Variants in RRM2 observed in about 807,000 individuals in gnomAD.
The protein encoded by RRM2 is ribonucleoside-diphosphate reductase subunit M2.
In RRM2, 6 loss-of-function variants were observed where a neutral mutation model predicts 45.9. The ratio of observed to expected loss-of-function variants is 0.13; its 90% confidence interval spans 0.07 to 0.26. The LOEUF is 0.26. Among genes scored for constraint, RRM2 ranks in the 10% least tolerant of loss-of-function variants. The probability of loss-of-function intolerance (pLI) is 1.00; values close to 1 mark genes in which losing one functional copy is unlikely to be tolerated. For synonymous variants in RRM2, 177 were observed against 173.0 expected (o/e 1.02, Z -0.18); for missense variants, 343 against 489.5 (o/e 0.70, Z 2.82).
chr2:10,135,146 C>T (rs900206290), downstream of RRM2, among the ~76,000 whole-genome samples: 16 of 152,110 alleles, frequency 1.1e-4, no homozygotes, highest in Admixed American at 5.9e-4. Context: ...TAATTCCTAG[C>T]GAATTGAGCC....
intron 3 of RRM2, among the ~76,000 whole-genome samples, chr2:10,143,262 G>A (rs569518958): frequency 6.6e-5 from 10 of 152,038 alleles, no homozygotes; most frequent in Non-Finnish European, 1.2e-4. Flanking sequence ...CCACCCACCC[G>A]CTCCTGATCT....
chr2:10,139,123 T>C (rs1294899364), upstream of RRM2, among the ~76,000 whole-genome samples: 2 of 151,986 alleles, frequency 1.3e-5, no homozygotes, highest in Non-Finnish European at 2.9e-5. Flanking sequence ...ATAAAGGGTG[T>C]GGTTCAGTGG....
At chr2:10,137,593 G>A (rs1468729368), upstream of RRM2, among the ~76,000 whole-genome samples, 1 of 152,240 alleles carries the variant, frequency 6.6e-6, no homozygotes. Flanking sequence ...TGGGTACTAT[G>A]CTAGAAAGGT....
At chr2:10,183,497 A>AT (rs1022952872) in intron 3 of RRM2, among the ~76,000 whole-genome samples, 3 of 152,180 alleles carry the variant, frequency 2.0e-5, no homozygotes, top group Non-Finnish European at 4.4e-5. Flanking sequence ...TGGCAAGGTC[A>AT]TTTTCCTTGA....
chr2:10,198,158 C>CTTCA (rs1160600560), intron 3 of RRM2, among the ~76,000 whole-genome samples: 4 of 152,226 alleles, frequency 2.6e-5, no homozygotes, highest in Admixed American at 2.6e-4. Flanking sequence ...TATGCACAGG[C>CTTCA]TTCAGGGGAG....
intron 3 of RRM2, chr2:10,156,242 C>T (rs1310583580): frequency 6.6e-6 from 1 of 152,196 alleles, no homozygotes; most frequent in Non-Finnish European, 1.5e-5. Flanking sequence ...GAGCTAAAAA[C>T]AATTAAAAAT....
At chr2:10,207,861 A>G (rs562045018) in intron 3 of RRM2, among the ~76,000 whole-genome samples, 2 of 152,166 alleles carry the variant, frequency 1.3e-5, no homozygotes, top group South Asian at 2.1e-4. Flanking sequence ...TTAAGTTCCT[A>G]TAGGTAAAAG....
intron 3 of RRM2, among the ~76,000 whole-genome samples, chr2:10,209,848 A>G (rs1572540702): frequency 6.6e-6 from 1 of 152,368 alleles, no homozygotes; most frequent in East Asian, 1.9e-4. Context: ...AGAATGGCGA[A>G]GGTGGCAAAG....
At chr2:10,188,272 A>G (rs375714923) in intron 3 of RRM2, among the ~76,000 whole-genome samples, 37 of 152,330 alleles carry the variant, frequency 2.4e-4, no homozygotes, top group East Asian at 7.7e-4. Flanking sequence ...AGAAGGCCAC[A>G]GAATGGGGGC....
At chr2:10,208,664 A>G (rs752022225) in intron 3 of RRM2, among the ~76,000 whole-genome samples, 1 of 152,136 alleles carries the variant, frequency 6.6e-6, no homozygotes, top group Non-Finnish European at 1.5e-5. Context: ...GAACAAAAAT[A>G]TTTTTAATAA....
intron 3 of RRM2, among the ~76,000 whole-genome samples, chr2:10,194,651 G>C (rs1036672452): frequency 6.6e-5 from 10 of 152,376 alleles, no homozygotes; most frequent in African/African-American, 2.2e-4. Context: ...CATGGGCTCT[G>C]GCCCAAGTTA....
At chr2:10,189,325 T>C (rs968631471) in intron 3 of RRM2, among the ~76,000 whole-genome samples, 9 of 152,048 alleles carry the variant, frequency 5.9e-5, no homozygotes, top group Non-Finnish European at 1.2e-4. Flanking sequence ...AGAGGGGAGA[T>C]GAATGTGAGG....
At chr2:10,193,619 C>A in intron 3 of RRM2, among the ~76,000 whole-genome samples, 1 of 152,356 alleles carries the variant, frequency 6.6e-6, no homozygotes, top group South Asian at 2.1e-4. Flanking sequence ...TAGCAAACAT[C>A]GCTGACTGCC....
intron 3 of RRM2, among the ~76,000 whole-genome samples, chr2:10,192,922 C>G (rs1378526678): frequency 6.6e-6 from 1 of 152,254 alleles, no homozygotes. Flanking sequence ...CTCTTGGTCT[C>G]TGACCCGCAT....
At chr2:10,143,573 G>A (rs961395609) in intron 3 of RRM2, among the ~76,000 whole-genome samples, 3 of 152,234 alleles carry the variant, frequency 2.0e-5, no homozygotes, top group Non-Finnish European at 2.9e-5. Context: ...TGTCTGACAC[G>A]GTAACGTGCA....
intron 3 of RRM2, among the ~76,000 whole-genome samples, chr2:10,177,692 T>TCCC (rs1371651022): frequency 8.8e-4 from 132 of 149,770 alleles, no homozygotes; most frequent in African/African-American, 3.1e-3. Flanking sequence ...CCTTCCTTCC[T>TCCC]TCCTTCCTTC....
intron 3 of RRM2, among the ~76,000 whole-genome samples, chr2:10,159,550 G>A (rs1384432795): frequency 1.3e-5 from 2 of 152,336 alleles, no homozygotes; most frequent in East Asian, 3.9e-4. Context: ...CACAGAAGGT[G>A]GAGCTCTGAG....
intron 3 of RRM2, among the ~76,000 whole-genome samples, chr2:10,190,245 ATGGTGG>A (rs1320607819): frequency 6.1e-4 from 86 of 141,690 alleles, no homozygotes; most frequent in Admixed American, 2.0e-3. Flanking sequence ...GATGGTGGTG[ATGGTGG>A]TGGTGGTGGT....
At chr2:10,152,557 A>C (rs1387769279) in intron 3 of RRM2, among the ~76,000 whole-genome samples, 2 of 149,564 alleles carry the variant, frequency 1.3e-5, no homozygotes, top group Non-Finnish European at 3.0e-5. Context: ...ATCTTGGCTC[A>C]TTGCAGCTTT....
Sources: gnomAD v4.1 joint callset for allele counts (sites outside exome capture counted in the v4.1 genomes callset) on GRCh38, gnomAD v4.1.1 for gene constraint, MANE v1.5 for transcripts, NCBI Gene and HGNC (gene_info 2026-07-23, HGNC 2026-07-21) for gene names.